Variants in CLASP1 observed in about 807,000 individuals in gnomAD.
The protein encoded by CLASP1 is CLIP-associating protein 1.
Under a neutral mutation model 192.3 loss-of-function variants are expected in CLASP1, and 38 were observed. That is an observed-to-expected ratio of 0.20 (90% CI 0.15 to 0.26). The LOEUF is 0.26. Among genes scored for constraint, CLASP1 ranks in the 10% least tolerant of loss-of-function variants. CLASP1 has a pLI of 1.00. For synonymous variants in CLASP1, 691 were observed against 712.8 expected, an observed-to-expected ratio of 0.97 and a Z score of 0.49; for missense variants, 1,433 against 1,932.5, an observed-to-expected ratio of 0.74 and a Z score of 4.85.
exon 40 of CLASP1, chr2:121,339,789 G>C (rs1426707645): frequency 6.6e-6 from 1 of 152,150 alleles, no homozygotes; most frequent in East Asian, 1.9e-4. Context: ...AAAAAAAATT[G>C]TGATATCCAG....
At chr2:121,630,124 T>C (rs1237091306) in intron 1 of CLASP1, among the ~76,000 whole-genome samples, 1 of 151,956 alleles carries the variant, frequency 6.6e-6, no homozygotes, top group African/African-American at 2.4e-5. Context: ...TTCACCATGT[T>C]GGCCAGGCTG....
rs571212201 is a variant in CLASP1, at chr2:121,383,691, C to CT, written c.3375-1368dup. 3.3e-5 allele frequency among the ~76,000 whole-genome samples: 5 copies of CT among 149,928 alleles called. No homozygotes were observed. In the East Asian group the frequency reaches 7.8e-4, roughly 23 times the overall value. ...AGACCAGAGCAAGGACCACCATATA[C>CT]TTTTTTTTTTCTTAAAGGAAATGGA... On this transcript the variant is annotated intron_variant, in intron 32 of 39. Transcript: ENST00000263710.
chr2:121,427,357 G>A (rs1453402366), intron 21 of CLASP1, 47 bp downstream of exon 21: 3 of 1,602,612 alleles, frequency 1.9e-6, no homozygotes, highest in Non-Finnish European at 1.7e-6. Flanking sequence ...CGGGGAGAAT[G>A]CCAACAACAA....
chr2:121,392,148 A>C lies in CLASP1; in HGVS notation c.3124-4242T>G, dbSNP rs564590321. Among the ~76,000 whole-genome samples the C allele has an allele frequency of 3.0e-4, 45 of 152,326 alleles. 1 individual carries two copies. Among genetic ancestry groups the C allele is most frequent in the African/African-American group, 1.1e-3 (44 of 41,560 alleles). On this transcript the variant is annotated intron_variant, in intron 30 of 39. Coordinates refer to ENST00000263710, the Ensembl canonical transcript of CLASP1. ...CCACGCCTTTTTGCCCACACTTCTC[A>C]AAACAAGGTTTGGGGGCTAAATCTG... is the stretch of plus-strand genomic sequence containing the variant.
At chr2:121,467,630 G>C (rs1409459690) in intron 9 of CLASP1, among the ~76,000 whole-genome samples, 1 of 151,934 alleles carries the variant, frequency 6.6e-6, no homozygotes, top group African/African-American at 2.4e-5. Context: ...CATTTTCTTT[G>C]CCCACTTTTT....
At chr2:121,647,349 C>A (rs2073361634) in intron 1 of CLASP1, among the ~76,000 whole-genome samples, 1 of 152,020 alleles carries the variant, frequency 6.6e-6, no homozygotes, top group South Asian at 2.1e-4. Context: ...GCCTGGGCGA[C>A]AAGAGTGAAA....
chr2:121,462,987 C>T (rs896843882), intron 9 of CLASP1, among the ~76,000 whole-genome samples: 3 of 152,018 alleles, frequency 2.0e-5, no homozygotes, highest in African/African-American at 7.2e-5. Flanking sequence ...ACTGGGAATC[C>T]AGCATAACAA....
intron 24 of CLASP1, among the ~76,000 whole-genome samples, chr2:121,410,576 G>A (rs1369852696): frequency 6.6e-6 from 1 of 152,066 alleles, no homozygotes; most frequent in Non-Finnish European, 1.5e-5. Flanking sequence ...GAAGCCCAAT[G>A]ACATCTGAGA....
chr2:121,625,461 G>C (rs893406204), intron 1 of CLASP1, among the ~76,000 whole-genome samples: 1 of 126,044 alleles, frequency 7.9e-6, no homozygotes, highest in African/African-American at 3.3e-5. Context: ...TTGAGACGGA[G>C]TCTCGCTCTG....
chr2:121,418,282 A>G (rs1224439417), intron 23 of CLASP1, among the ~76,000 whole-genome samples: 2 of 152,272 alleles, frequency 1.3e-5, no homozygotes, highest in Non-Finnish European at 2.9e-5. Flanking sequence ...GACTAAGAAT[A>G]AACTTTGGAT....
intron 21 of CLASP1, among the ~76,000 whole-genome samples, chr2:121,426,162 A>G (rs971524973): frequency 6.6e-6 from 1 of 152,228 alleles, no homozygotes; most frequent in African/African-American, 2.4e-5. Flanking sequence ...AGAACAAAAA[A>G]GAAAAGAAAA....
intron 2 of CLASP1, among the ~76,000 whole-genome samples, chr2:121,572,104 A>G (rs1660399718): frequency 6.6e-6 from 1 of 152,196 alleles, no homozygotes; most frequent in African/African-American, 2.4e-5. Context: ...AGAAGAAAAA[A>G]AGGCAGAGGT....
chr2:121,440,124 G>C (rs907077264), intron 19 of CLASP1, among the ~76,000 whole-genome samples: 16 of 149,482 alleles, frequency 1.1e-4, no homozygotes, highest in Admixed American at 7.3e-4. Context: ...CTAAGCCCTC[G>C]GGGACAGCCT....
chr2:121,557,140 G>A (rs2058634378), intron 2 of CLASP1, among the ~76,000 whole-genome samples: 1 of 152,230 alleles, frequency 6.6e-6, no homozygotes, highest in Admixed American at 6.5e-5. Flanking sequence ...GCTGGGCCCT[G>A]CCCTAGGTTT....
intron 34 of CLASP1, among the ~76,000 whole-genome samples, chr2:121,368,179 C>A (rs1019951278): frequency 2.0e-5 from 3 of 152,156 alleles, no homozygotes; most frequent in African/African-American, 7.2e-5. Context: ...AAGCACCAGA[C>A]CAGCAACGGG....
chr2:121,390,708 T>G (rs7599933), intron 30 of CLASP1, among the ~76,000 whole-genome samples: 20,425 of 152,210 alleles, frequency 0.13, 1,931 homozygotes, highest in African/African-American at 0.26. Context: ...GTTTTCCAAT[T>G]TATTAAACAA....
At chr2:121,616,217 C>T (rs1391501604) in intron 1 of CLASP1, among the ~76,000 whole-genome samples, 2 of 152,044 alleles carry the variant, frequency 1.3e-5, no homozygotes, top group Non-Finnish European at 1.5e-5. Context: ...GAGGCCAGGG[C>T]GGGTGGATCA....
At chr2:121,619,319 T>G (rs922307236) in intron 1 of CLASP1, among the ~76,000 whole-genome samples, 4 of 152,224 alleles carry the variant, frequency 2.6e-5, no homozygotes, top group Non-Finnish European at 4.4e-5. Context: ...CTATGATGAA[T>G]ACATATTACT....
intron 39 of CLASP1, 97 bp downstream of exon 40, chr2:121,346,941 C>T (rs553881479): frequency 1.4e-6 from 1 of 738,418 alleles, no homozygotes; most frequent in South Asian, 1.9e-5. Context: ...ACACAATGAA[C>T]AAAACCTGTC....
Sources: allele counts gnomAD v4.1 joint callset (sites outside exome capture counted in the v4.1 genomes callset), GRCh38; gene constraint gnomAD v4.1.1; transcripts MANE v1.5; gene names NCBI Gene and HGNC (gene_info 2026-07-23, HGNC 2026-07-21).